THSD7B: variants seen among roughly 807,000 people sequenced by gnomAD.
The protein encoded by THSD7B is thrombospondin type-1 domain-containing protein 7B.
A neutral mutation model predicts 213.6 loss-of-function variants in THSD7B; 138 were observed. The observed-to-expected ratio is 0.65, with a 90% CI of 0.56 to 0.74. THSD7B has a LOEUF of 0.74. THSD7B is among the 30% of genes least tolerant of loss of function. The pLI is 0.00. For missense variants in THSD7B, 1,931 were observed against 1,991.5 expected, an observed-to-expected ratio of 0.97 and a Z score of 0.58; for synonymous variants, 742 against 687.0, an observed-to-expected ratio of 1.08 and a Z score of -1.25.
At chr2:136,878,162 C>T (rs559902672) in intron 1 of THSD7B, among the ~76,000 whole-genome samples, 2 of 152,234 alleles carry the variant, frequency 1.3e-5, no homozygotes, top group Admixed American at 6.5e-5. Flanking sequence ...TGAATGAGAA[C>T]ATGCGGTGTT....
intron 15 of THSD7B, among the ~76,000 whole-genome samples, chr2:137,478,095 G>C (rs540948430): frequency 6.6e-6 from 1 of 151,850 alleles, no homozygotes; most frequent in Non-Finnish European, 1.5e-5. Context: ...TATCTATTTG[G>C]CATCTGTAAG....
intron 1 of THSD7B, among the ~76,000 whole-genome samples, chr2:136,855,058 T>G (rs1683156087): frequency 6.6e-6 from 1 of 152,230 alleles, no homozygotes; most frequent in African/African-American, 2.4e-5. Context: ...TCTGATGGAT[T>G]TGTGGTTCCT....
chr2:137,383,980 GA>G (rs1486969032), intron 12 of THSD7B, among the ~76,000 whole-genome samples: 3 of 152,088 alleles, frequency 2.0e-5, no homozygotes, highest in African/African-American at 7.2e-5. Context: ...ATATACCCTT[GA>G]AACAATTAAG....
chr2:137,265,972 A>G (rs1682579699), intron 10 of THSD7B, among the ~76,000 whole-genome samples: 1 of 152,180 alleles, frequency 6.6e-6, no homozygotes, highest in Non-Finnish European at 1.5e-5. Flanking sequence ...TTGTAGTTTA[A>G]TTTACCAGGA....
intron 4 of THSD7B, among the ~76,000 whole-genome samples, chr2:137,103,526 C>T (rs1323938385): frequency 6.6e-6 from 1 of 152,124 alleles, no homozygotes; most frequent in Non-Finnish European, 1.5e-5. Flanking sequence ...CAAATTCATA[C>T]ATAACCGTAT....
chr2:137,542,095 C>T (rs1254424197), intron 15 of THSD7B, among the ~76,000 whole-genome samples: 3 of 151,612 alleles, frequency 2.0e-5, no homozygotes, highest in Non-Finnish European at 4.4e-5. Flanking sequence ...AATATAAATT[C>T]AGAAGCTCAA....
At chr2:136,917,043 T>C (rs979677705) in intron 2 of THSD7B, among the ~76,000 whole-genome samples, 1 of 152,186 alleles carries the variant, frequency 6.6e-6, no homozygotes, top group African/African-American at 2.4e-5. Flanking sequence ...AAATTGATAC[T>C]GGTTTTATCA....
chr2:137,402,747 C>T (rs146765772), intron 12 of THSD7B, among the ~76,000 whole-genome samples: 8 of 137,672 alleles, frequency 5.8e-5, no homozygotes, highest in African/African-American at 2.2e-4. Context: ...ACCCAGCAGG[C>T]GGAGGTTGCA....
intron 2 of THSD7B, among the ~76,000 whole-genome samples, chr2:136,946,592 G>A (rs1267118485): frequency 6.6e-6 from 1 of 152,188 alleles, no homozygotes; most frequent in East Asian, 1.9e-4. Flanking sequence ...CGCAAGAGGT[G>A]GAGTCTATAG....
intron 12 of THSD7B, among the ~76,000 whole-genome samples, chr2:137,360,616 T>C (rs1202500110): frequency 1.3e-5 from 2 of 152,054 alleles, no homozygotes; most frequent in Admixed American, 1.3e-4. Context: ...TCACTGCTAG[T>C]CCAAGATTGA....
At chr2:137,302,190 C>T (rs976631931) in intron 12 of THSD7B, among the ~76,000 whole-genome samples, 6 of 151,988 alleles carry the variant, frequency 3.9e-5, no homozygotes, top group Non-Finnish European at 4.4e-5. Context: ...GATATTTAAA[C>T]AATGGGACTG....
intron 13 of THSD7B, 22 bp from the exon 14 acceptor site, chr2:137,411,586 CT>C (rs1558788348): frequency 1.3e-6 from 2 of 1,589,224 alleles, no homozygotes; most frequent in South Asian, 2.3e-5. Flanking sequence ...CATTTAATAT[CT>C]TAATGTCTCT....
At chr2:137,317,587 C>T (rs1684153173) in intron 12 of THSD7B, among the ~76,000 whole-genome samples, 1 of 152,128 alleles carries the variant, frequency 6.6e-6, no homozygotes, top group African/African-American at 2.4e-5. Context: ...TACTAACTCA[C>T]AAAACGTGGG....
intron 12 of THSD7B, among the ~76,000 whole-genome samples, chr2:137,384,697 G>A (rs534968961): frequency 6.6e-6 from 1 of 152,314 alleles, no homozygotes; most frequent in African/African-American, 2.4e-5. Flanking sequence ...GTGGCCTAGA[G>A]TGACTTGGCA....
chr2:137,137,481 C>T (rs1679488752), intron 5 of THSD7B, among the ~76,000 whole-genome samples: 1 of 152,180 alleles, frequency 6.6e-6, no homozygotes, highest in South Asian at 2.1e-4. Flanking sequence ...GTACTTTCTG[C>T]TAAACTTATG....
chr2:136,903,577 C>G (rs896318437), intron 2 of THSD7B, among the ~76,000 whole-genome samples: 1 of 152,080 alleles, frequency 6.6e-6, no homozygotes, highest in Non-Finnish European at 1.5e-5. Flanking sequence ...GTCTTTTACC[C>G]TACTTCACCC....
At chr2:137,439,417 A>C (rs1220939647) in intron 14 of THSD7B, among the ~76,000 whole-genome samples, 3 of 152,136 alleles carry the variant, frequency 2.0e-5, no homozygotes, top group African/African-American at 7.2e-5. Flanking sequence ...CATAAAATTA[A>C]ATAAATAAAT....
intron 1 of THSD7B, among the ~76,000 whole-genome samples, chr2:136,809,223 C>T (rs74869416): frequency 0.016 from 2,454 of 152,092 alleles, 61 homozygotes; most frequent in African/African-American, 0.057. Context: ...GAGTAGGGGT[C>T]GTCAGGGCCC....
chr2:137,248,094 T>C (rs1294806395), intron 10 of THSD7B, among the ~76,000 whole-genome samples: 8 of 152,162 alleles, frequency 5.3e-5, no homozygotes, highest in Non-Finnish European at 1.0e-4. Context: ...TGAAAGGATA[T>C]TTTCAGCGTT....
Sources: gnomAD v4.1 joint callset for allele counts (sites outside exome capture counted in the v4.1 genomes callset) on GRCh38, gnomAD v4.1.1 for gene constraint, MANE v1.5 for transcripts, NCBI Gene and HGNC (gene_info 2026-07-23, HGNC 2026-07-21) for gene names.